The following CLIP2 variants were observed in gnomAD, a reference collection of about 807,000 sequenced individuals.
The protein encoded by CLIP2 is CAP-Gly domain containing linker protein 2, also known as CAP-Gly domain-containing linker protein 2.
Under a neutral mutation model 111.7 loss-of-function variants are expected in CLIP2, and 41 were observed. That is an observed-to-expected ratio of 0.37 (90% confidence interval 0.29 to 0.48). CLIP2 has a LOEUF of 0.48. Ranked by LOEUF, CLIP2 falls within the 20% of genes least tolerant of loss-of-function variation. The pLI is 0.99. For missense variants in CLIP2, 1,160 were observed against 1,422.1 expected (o/e 0.82, Z 2.96); for synonymous variants, 660 against 644.2 (o/e 1.02, Z -0.37).
At chr7:74,325,661 G>A (rs145525122) in intron 2 of CLIP2, among the ~76,000 whole-genome samples, 13 of 151,950 alleles carry the variant, frequency 8.6e-5, no homozygotes, top group African/African-American at 2.2e-4. Flanking sequence ...GTGAATCCTC[G>A]TCTCTACTAA....
Position 74,317,588 on chromosome 7 carries a change from G to T in CLIP2, c.42G>T (p.Gly14=). ...PSGLKPPGRG[G]KHSSPMGRTS... is the part of the protein sequence containing the mutation. ...GCCTGAAGCCCCCCGGCCGTGGGGG[G>T]AAGCACTCCAGCCCCATGGGCCGGA... Residue 14 remains glycine, a synonymous_variant, in exon 2 of 17, where the codon GGG becomes GGT. Coordinates refer to ENST00000223398, the MANE Select transcript of CLIP2 (RefSeq NM_003388.5). The T allele has an allele frequency of 1.3e-6, 2 of 1,500,670 alleles. No individual in the cohort carries two copies. The highest frequency in any genetic ancestry group is 1.8e-6 in the Non-Finnish European group (2 of 1,118,860). 93.0% of individuals were successfully genotyped at this position (1,500,670 alleles called of 1,614,324 possible).
chr7:74,403,910 G>C lies in CLIP2; in HGVS notation c.*62G>C. The C allele has an allele frequency of 1.3e-6, 2 of 1,575,550 alleles. No individual in the cohort carries two copies. The highest frequency in any genetic ancestry group is 1.7e-6 in the Non-Finnish European group (2 of 1,148,414). ...CAGAGCCCCACGCGGCTGCCCGGCA[G>C]TACCTCCTCCAGGCAGGAGCCGGGA... On this transcript the variant is annotated 3_prime_UTR_variant, in exon 17 of 17. Transcript: ENST00000223398.
Position 74,403,908 on chromosome 7 carries a change from C to G in CLIP2, c.*60C>G. 6.3e-7 allele frequency: 1 copy of G among 1,578,418 alleles called. No individual in the cohort carries two copies. The highest frequency in any genetic ancestry group is 1.1e-5 in the South Asian group (1 of 90,484). ...ACCAGAGCCCCACGCGGCTGCCCGG[C>G]AGTACCTCCTCCAGGCAGGAGCCGG... On this transcript the variant is annotated 3_prime_UTR_variant, in exon 17 of 17. Coordinates refer to ENST00000223398, the MANE Select transcript of CLIP2 (RefSeq NM_003388.5).
intron 2 of CLIP2, among the ~76,000 whole-genome samples, chr7:74,324,379 A>G (rs1271224306): frequency 6.6e-6 from 1 of 152,126 alleles, no homozygotes; most frequent in African/African-American, 2.4e-5. Flanking sequence ...TGCTACTGTG[A>G]TATCACCTGC....
In CLIP2 at chr7:74,358,155, G is replaced by A. The variant is rs900481624; in HGVS notation, c.1215+678G>A. On this transcript the variant is annotated intron_variant, in intron 6 of 16. Transcript: ENST00000223398. Reference sequence around the variant, plus strand: ...CAACCTCCACCTCCCAGGTTCAAGCGATTCTCCTGCCTCAGCCTCTCAAGT... The same window carrying A: ...CAACCTCCACCTCCCAGGTTCAAGCAATTCTCCTGCCTCAGCCTCTCAAGT... Among the ~76,000 whole-genome samples, 7 of 151,678 alleles carry A rather than the reference G, an allele frequency of 4.6e-5. No individual in the cohort carries two copies. The East Asian group carries it at 1.2e-3, about 25-fold the overall frequency.
chr7:74,385,957 G>T (rs1584383075), intron 11 of CLIP2, among the ~76,000 whole-genome samples: 1 of 151,294 alleles, frequency 6.6e-6, no homozygotes. Flanking sequence ...GGTCAGGCTG[G>T]TCTCGAACTC....
chr7:74,357,217 A>G (rs1290822189), intron 5 of CLIP2, 63 bp from the exon 6 acceptor site: 52 of 1,475,212 alleles, frequency 3.5e-5, no homozygotes, highest in South Asian at 3.5e-4. Flanking sequence ...GGCTGGACAG[A>G]GCCAGTCTGC....
At chr7:74,307,970 G>T (rs1554728000) in intron 1 of CLIP2, among the ~76,000 whole-genome samples, 2 of 152,170 alleles carry the variant, frequency 1.3e-5, no homozygotes, top group Non-Finnish European at 2.9e-5. Flanking sequence ...GCTCAGGCTG[G>T]GTTCCCAGAG....
chr7:74,401,567 G>A lies in CLIP2; in HGVS notation c.3129G>A (p.Glu1043=), dbSNP rs1554317667. The A allele has an allele frequency of 3.1e-6, 5 of 1,613,822 alleles. No homozygotes were observed. Among genetic ancestry groups the A allele is most frequent in the Non-Finnish European group, 4.2e-6 (5 of 1,179,936 alleles). ...AGCAGGACAAAGCTCAGAAACAAGAGGTGAGGGGCGCCTCGGGCCTCCCAG... is the reference window on the plus strand; with the variant it reads ...AGCAGGACAAAGCTCAGAAACAAGAAGTGAGGGGCGCCTCGGGCCTCCCAG... ...IHQQDKAQKQ[E]DKH The change falls in exon 16 of 17, where the codon GAG becomes GAA. Residue 1043 remains glutamate, a splice_region_variant and synonymous_variant. Transcript: ENST00000223398.
At chr7:74,368,542 AAAAATAAAT>A (rs1487232605) in intron 8 of CLIP2, among the ~76,000 whole-genome samples, 2 of 151,246 alleles carry the variant, frequency 1.3e-5, no homozygotes, top group African/African-American at 2.4e-5. Flanking sequence ...ATAAATAAAT[AAAAATAAAT>A]AAAATAAATA....
intron 14 of CLIP2, among the ~76,000 whole-genome samples, chr7:74,398,371 A>C (rs1225021574): frequency 6.6e-6 from 1 of 151,996 alleles, no homozygotes; most frequent in African/African-American, 2.4e-5. Flanking sequence ...AAAAAAAAGA[A>C]TAAAGAAACC....
rs782807604 is a variant in CLIP2, at chr7:74,375,883, A to G, written c.1486-4A>G. The G allele has an allele frequency of 3.9e-6, 6 of 1,527,422 alleles. No individual in the cohort carries two copies. The Admixed American group carries it at 1.0e-4, about 26-fold the overall frequency. 94.6% of individuals were successfully genotyped at this position (1,527,422 alleles called of 1,614,324 possible). On this transcript the variant is annotated splice_polypyrimidine_tract_variant and splice_region_variant and intron_variant, in intron 9 of 16. Coordinates refer to ENST00000223398, the MANE Select transcript of CLIP2 (RefSeq NM_003388.5). Reference sequence around the variant, plus strand: ...CTGATCCCTGTCTCCCTCTCTCCCCACAGCTGACCACAGTGGCCGAGAAGT... The same window carrying G: ...CTGATCCCTGTCTCCCTCTCTCCCCGCAGCTGACCACAGTGGCCGAGAAGT...
At chr7:74,389,975 G>A (rs1485180203) in intron 13 of CLIP2, among the ~76,000 whole-genome samples, 1 of 149,662 alleles carries the variant, frequency 6.7e-6, no homozygotes, top group Non-Finnish European at 1.5e-5. Flanking sequence ...AGTAGTCCTA[G>A]CTACTTGGGA....
intron 10 of CLIP2, among the ~76,000 whole-genome samples, chr7:74,378,355 T>G (rs1035107264): frequency 4.0e-5 from 6 of 151,774 alleles, no homozygotes; most frequent in Non-Finnish European, 5.9e-5. Context: ...CTCAAACTCC[T>G]GGGCTCAAGC....
At chr7:74,375,409 G>A (rs1790745842) in intron 9 of CLIP2, among the ~76,000 whole-genome samples, 2 of 151,522 alleles carry the variant, frequency 1.3e-5, no homozygotes, top group South Asian at 4.2e-4. Flanking sequence ...AAATTCCCCA[G>A]GCGCATGGTG....
At chr7:74,328,637 C>T (rs797024837) in intron 2 of CLIP2, among the ~76,000 whole-genome samples, 14 of 152,254 alleles carry the variant, frequency 9.2e-5, no homozygotes, top group African/African-American at 2.4e-4. Flanking sequence ...TTGCTATGGA[C>T]GGGCATGAGG....
intron 10 of CLIP2, among the ~76,000 whole-genome samples, chr7:74,377,852 T>A (rs1366772963): frequency 6.7e-5 from 10 of 149,294 alleles, no homozygotes; most frequent in Non-Finnish European, 1.5e-4. Flanking sequence ...TGAGATGGAG[T>A]TTTGCTCTTG....
At chr7:74,292,399 T>C (rs1217114448) in intron 1 of CLIP2, among the ~76,000 whole-genome samples, 1 of 152,174 alleles carries the variant, frequency 6.6e-6, no homozygotes, top group African/African-American at 2.4e-5. Context: ...TGTTCTGAGC[T>C]TTTTTGAGAC....
chr7:74,396,569 G>A (rs1377590651), intron 13 of CLIP2, among the ~76,000 whole-genome samples: 2 of 151,996 alleles, frequency 1.3e-5, no homozygotes, highest in African/African-American at 2.4e-5. Context: ...TGCCCAGGCT[G>A]GAGTGCAATG....
Sources: gnomAD v4.1 joint callset for allele counts (sites outside exome capture counted in the v4.1 genomes callset) on GRCh38, gnomAD v4.1.1 for gene constraint, MANE v1.5 for transcripts, NCBI Gene and HGNC (gene_info 2026-07-23, HGNC 2026-07-21) for gene names.